Variants in COG2 observed in about 807,000 individuals in gnomAD.
COG2 encodes the protein conserved oligomeric Golgi complex subunit 2.
A neutral mutation model predicts 90.6 loss-of-function variants in COG2; 52 were observed. That is an observed-to-expected ratio of 0.57 (90% CI 0.46 to 0.72). COG2 has a LOEUF of 0.72. Among genes scored for constraint, COG2 ranks in the 30% least tolerant of loss-of-function variants. COG2 has a pLI of 0.00. For missense variants in COG2, 829 were observed against 891.2 expected (o/e 0.93, Z 0.89); for synonymous variants, 337 against 320.4 (o/e 1.05, Z -0.55).
At chr1:230,681,734 C>T (rs61828616) in intron 10 of COG2, 22,381 of 152,040 alleles carry the variant, frequency 0.15, 1,859 homozygotes, top group Non-Finnish European at 0.19. Flanking sequence ...CAGAGGTTCC[C>T]TCTCACTTTT....
intron 7 of COG2, chr1:230,670,288 CTG>C (rs1214770092): frequency 1.3e-5 from 2 of 152,210 alleles, no homozygotes; most frequent in Non-Finnish European, 2.9e-5. Context: ...CTGCTTCAAA[CTG>C]AGAGAAGTCA....
chr1:230,650,664 G>C (rs1278837941), intron 1 of COG2, among the ~76,000 whole-genome samples: 1 of 152,026 alleles, frequency 6.6e-6, no homozygotes, highest in Non-Finnish European at 1.5e-5. Flanking sequence ...TGTTTACACT[G>C]CTATTTCTTT....
chr1:230,685,065 T>G lies in COG2; in HGVS notation c.1229-20T>G. The G allele has an allele frequency of 1.2e-6, 2 of 1,613,474 alleles. No individual in the cohort carries two copies. The highest frequency in any genetic ancestry group is 2.2e-5 in the South Asian group (2 of 91,006). Reference sequence around the variant, plus strand: ...TGCCTGAAATTCCTTAAATGTGTGTTGTTGTTGTTTTTTCTCTAGCTGAAA... The same window carrying G: ...TGCCTGAAATTCCTTAAATGTGTGTGGTTGTTGTTTTTTCTCTAGCTGAAA... On this transcript the variant is annotated intron_variant, in intron 11 of 17. Transcript: ENST00000366669.
intron 8 of COG2, among the ~76,000 whole-genome samples, chr1:230,672,697 G>A (rs986974771): frequency 2.6e-5 from 4 of 151,000 alleles, no homozygotes. Flanking sequence ...TTCTCCTAAT[G>A]TTCAGCATTC....
chr1:230,683,612 C>T lies in COG2; in HGVS notation c.1205C>T (p.Thr402Ile). The change falls in exon 11 of 18, where the codon ACA (threonine) becomes ATA (isoleucine). Residue 402 changes from threonine (T) to isoleucine (I), a missense_variant. Thr to Ile is a moderately conservative substitution (Grantham distance 89). Coordinates refer to ENST00000366669, the MANE Select transcript of COG2 (RefSeq NM_007357.3). ...GCGGGATCCTTAGAAGCAGCACTTA[C>T]AGATGTCCTGGAAGATGCCCCAGGT... ...EIAGSLEAAL[T>I]DVLEDAPAES... is the part of the protein sequence containing the mutation. 2 of 1,612,294 alleles carry T rather than the reference C, an allele frequency of 1.2e-6. No individual in the cohort carries two copies. Among genetic ancestry groups the T allele is most frequent in the Non-Finnish European group, 1.7e-6 (2 of 1,178,556 alleles).
chr1:230,693,368 A>T lies in COG2; in HGVS notation c.2192A>T (p.Asp731Val), dbSNP rs990747075. The T allele has an allele frequency of 1.6e-5, 26 of 1,612,982 alleles. No homozygotes were observed. The highest frequency in any genetic ancestry group is 2.1e-5 in the Non-Finnish European group (25 of 1,179,256). The change falls in exon 18 of 18, where the codon GAC becomes GTC. Residue 731 changes from aspartate to valine, a missense_variant. Asp to Val is a radical substitution (Grantham distance 152). Coordinates refer to ENST00000366669, the MANE Select transcript of COG2 (RefSeq NM_007357.3). ...GCAGAGCTTGTTGCTGCTGCCAAGG[A>T]CCAGGCAACAGCAGAGCAGCCTTAA... ...ALAELVAAAK[D>V]QATAEQP
chr1:230,676,501 T>G (rs1396455123), intron 9 of COG2, among the ~76,000 whole-genome samples: 5 of 152,148 alleles, frequency 3.3e-5, no homozygotes, highest in African/African-American at 1.2e-4. Context: ...CTTCTCATAG[T>G]ATATATTTTT....
At chr1:230,650,136 A>G (rs1017633979) in intron 1 of COG2, among the ~76,000 whole-genome samples, 2 of 152,320 alleles carry the variant, frequency 1.3e-5, no homozygotes, top group African/African-American at 4.8e-5. Flanking sequence ...AGACACGTTG[A>G]TTCCATGACT....
chr1:230,687,518 T>G (rs1376998933), intron 13 of COG2, among the ~76,000 whole-genome samples: 1 of 152,246 alleles, frequency 6.6e-6, no homozygotes, highest in East Asian at 1.9e-4. Context: ...TTAGTTACTT[T>G]ACATTAATTT....
At chr1:230,678,321 G>C (rs1022047484) in intron 9 of COG2, 32 of 985,294 alleles carry the variant, frequency 3.2e-5, no homozygotes, top group Non-Finnish European at 3.9e-5. Flanking sequence ...TGATGATGAT[G>C]ATGATGGTAG....
chr1:230,676,276 C>CT (rs1424776876), intron 9 of COG2, among the ~76,000 whole-genome samples: 1 of 152,104 alleles, frequency 6.6e-6, no homozygotes, highest in East Asian at 1.9e-4. Flanking sequence ...TTCCTCCCTT[C>CT]TTTTTTCACC....
At chr1:230,668,003 T>C (rs1416542292) in intron 5 of COG2, among the ~76,000 whole-genome samples, 2 of 152,186 alleles carry the variant, frequency 1.3e-5, no homozygotes, top group Non-Finnish European at 2.9e-5. Flanking sequence ...ACCCACAGCA[T>C]GTAGGTTGAC....
At chr1:230,648,638 C>G (rs534404173) in intron 1 of COG2, among the ~76,000 whole-genome samples, 1 of 152,160 alleles carries the variant, frequency 6.6e-6, no homozygotes, top group African/African-American at 2.4e-5. Flanking sequence ...AAATGTATTA[C>G]TTGAATAAAA....
intron 11 of COG2, chr1:230,684,371 GGAGCAT>G (rs1662834497): frequency 6.6e-6 from 1 of 152,446 alleles, no homozygotes; most frequent in Admixed American, 6.5e-5. Context: ...ACTCACAGCT[GGAGCAT>G]GCATCCTGGG....
intron 1 of COG2, among the ~76,000 whole-genome samples, chr1:230,651,991 A>G (rs146976129): frequency 9.8e-5 from 15 of 152,310 alleles, no homozygotes; most frequent in African/African-American, 3.4e-4. Flanking sequence ...CTTTGTTACA[A>G]TTGATGAACC....
In COG2 at chr1:230,659,606, T is replaced by C. The variant is rs759387821; in HGVS notation, c.215T>C (p.Val72Ala). Residue 72 changes from valine to alanine, a missense_variant, in exon 2 of 18, where the codon GTC becomes GCC. Transcript: ENST00000366669. ...ATCAACAAGGATTATGCAGATTTTG[T>C]CAATCTTTCAACAAACTTGGTAAAC... The part of the protein sequence containing the change: ...ELINKDYADF[V>A]NLSTNLVGMD... 6.2e-7 allele frequency: 1 copy of C among 1,613,254 alleles called. No individual in the cohort carries two copies. Among genetic ancestry groups the C allele is most frequent in the South Asian group, 1.1e-5 (1 of 90,728 alleles).
intron 9 of COG2, chr1:230,678,261 C>G: frequency 1.0e-6 from 1 of 985,334 alleles, no homozygotes; most frequent in Non-Finnish European, 1.2e-6. Context: ...TGAGCAGGTT[C>G]TCTGTGAGCC....
intron 8 of COG2, among the ~76,000 whole-genome samples, chr1:230,673,974 C>T (rs1002176128): frequency 3.9e-5 from 6 of 152,002 alleles, no homozygotes; most frequent in Non-Finnish European, 8.8e-5. Context: ...CTACAAAACT[C>T]CCAGTTTTGC....
chr1:230,671,696 TA>T, intron 8 of COG2, 56 bp downstream of exon 8: 1 of 1,527,662 alleles, frequency 6.5e-7, no homozygotes, highest in Middle Eastern at 1.7e-4. Flanking sequence ...CCGCACCTGC[TA>T]ATTGCAGGTG....
Sources: allele counts gnomAD v4.1 joint callset (sites outside exome capture counted in the v4.1 genomes callset), GRCh38; gene constraint gnomAD v4.1.1; transcripts MANE v1.5; gene names NCBI Gene and HGNC (gene_info 2026-07-23, HGNC 2026-07-21).